TMEM114: variants seen among roughly 807,000 people sequenced by gnomAD.
The protein encoded by TMEM114 is transmembrane protein 114.
In TMEM114, 6 loss-of-function variants were observed where a neutral mutation model predicts 6.2. The ratio of observed to expected loss-of-function variants is 0.97; its 90% CI spans 0.53 to 1.91. The LOEUF is 1.91. TMEM114 is among the 40% of genes most tolerant of loss of function. TMEM114 has a pLI of 0.01. For synonymous variants in TMEM114, 104 were observed against 73.0 expected, an observed-to-expected ratio of 1.42 and a Z score of -2.16; for missense variants, 218 against 158.3, an observed-to-expected ratio of 1.38 and a Z score of -2.02.
chr16:8,557,737 A>G, intron 2 of TMEM114, among the ~76,000 whole-genome samples: 1 of 152,234 alleles, frequency 6.6e-6, no homozygotes, highest in Admixed American at 6.5e-5. Flanking sequence ...TTTGGGAAAG[A>G]TAATAACAGC....
chr16:8,568,581 T>A (rs780245884), downstream of TMEM114, among the ~76,000 whole-genome samples: 1 of 152,216 alleles, frequency 6.6e-6, no homozygotes, highest in Non-Finnish European at 1.5e-5. Context: ...GTGATGATGA[T>A]GTCATGATGA....
the TMEM114 span, among the ~76,000 whole-genome samples, chr16:8,527,564 T>A: frequency 1.3e-5 from 2 of 152,182 alleles, no homozygotes; most frequent in Non-Finnish European, 2.9e-5. Context: ...TCATGGAATT[T>A]TGCGTGTTTT....
At chr16:8,544,501 G>A (rs1004125287) in intron 2 of TMEM114, among the ~76,000 whole-genome samples, 3 of 152,176 alleles carry the variant, frequency 2.0e-5, no homozygotes, top group African/African-American at 7.2e-5. Context: ...TTTTAAGAAC[G>A]TCAAGTGACT....
downstream of TMEM114, among the ~76,000 whole-genome samples, chr16:8,532,782 G>A (rs1260729537): frequency 2.0e-5 from 3 of 152,120 alleles, no homozygotes; most frequent in African/African-American, 7.2e-5. Context: ...AAATTAGCCA[G>A]GCATAGTGGC....
chr16:8,569,839 GGTGAGCA>G lies in TMEM114; in HGVS notation c.599_605del (p.Leu200ProfsTer14). 6.4e-7 allele frequency: 1 copy of G among 1,551,026 alleles called. No homozygotes were observed. The highest frequency in any genetic ancestry group is 8.7e-7 in the Non-Finnish European group (1 of 1,146,960). On this transcript the variant is annotated frameshift_variant, in exon 4 of 4. Coordinates refer to ENST00000620492, the MANE Select transcript of TMEM114 (RefSeq NM_001146336.2). LOFTEE classifies it high-confidence loss of function. ...GGGCTGCTGCCAGGAAGGCTGCCCC[GGTGAGCA>G]GCTCGGCGATGAAGCTGATCCAGCC...
chr16:8,533,902 G>C (rs1039578760), downstream of TMEM114, among the ~76,000 whole-genome samples: 5 of 152,158 alleles, frequency 3.3e-5, no homozygotes, highest in Admixed American at 1.3e-4. Context: ...GGAGAAGGAT[G>C]CAATCAGGCA....
intron 2 of TMEM114, among the ~76,000 whole-genome samples, chr16:8,557,378 C>A (rs1901048397): frequency 6.6e-6 from 1 of 152,130 alleles, no homozygotes; most frequent in Non-Finnish European, 1.5e-5. Flanking sequence ...TGGGGAGAGC[C>A]ATATGGAAAG....
At chr16:8,550,915 G>C (rs1278602296) in intron 2 of TMEM114, among the ~76,000 whole-genome samples, 2 of 152,164 alleles carry the variant, frequency 1.3e-5, no homozygotes, top group Non-Finnish European at 2.9e-5. Context: ...AGAAGACTGA[G>C]CAAAACATTC....
rs182972257 is a variant in TMEM114, at chr16:8,554,648, G to A, written n.213-16822C>T. ...CATAATATTTGCTGAATGTAAGAAT[G>A]ATGGAGTTAATTAAGCCCAAGGAGT... On this transcript the variant is annotated intron_variant and non_coding_transcript_variant, in intron 2 of 2. Coordinates refer to the TMEM114 transcript ENST00000623677. Among the ~76,000 whole-genome samples, 7 of 151,444 alleles carry A rather than the reference G, an allele frequency of 4.6e-5. No individual in the cohort carries two copies. In the East Asian group the frequency reaches 1.4e-3, roughly 30 times the overall value.
At chr16:8,560,726 T>G (rs1901171248) in intron 2 of TMEM114, among the ~76,000 whole-genome samples, 4 of 152,130 alleles carry the variant, frequency 2.6e-5, no homozygotes. Context: ...CTTGGCAAGT[T>G]TCCAGGGGGC....
At chr16:8,570,273 A>G (rs1002578655) in intron 3 of TMEM114, among the ~76,000 whole-genome samples, 6 of 152,104 alleles carry the variant, frequency 3.9e-5, no homozygotes, top group Admixed American at 3.3e-4. Context: ...AGCACCATAC[A>G]GCTGCCCATC....
rs894148587 is a variant in TMEM114 at position 8,590,078 on chromosome 16, C to T, written c.-240G>A. ...AGCCGCCGTCCACGTTCCCACCCCT[C>T]CAATGCCAGCTCTACCTGCAGACCC... On this transcript the variant is annotated 5_prime_UTR_variant, in exon 1 of 4. Transcript: ENST00000620492. The T allele has an allele frequency of 1.1e-5, 4 of 371,246 alleles. No individual in the cohort carries two copies. Among genetic ancestry groups the T allele is most frequent in the African/African-American group, 4.2e-5 (2 of 47,596 alleles). The allele number at this position is 371,246 out of a possible 1,614,324, so 23.0% of individuals were successfully genotyped here.
intron 2 of TMEM114, among the ~76,000 whole-genome samples, chr16:8,559,567 C>T (rs1053417784): frequency 7.9e-5 from 12 of 152,114 alleles, no homozygotes; most frequent in African/African-American, 2.4e-4. Context: ...ATAGGGGAGT[C>T]GGCTTTTTCA....
In TMEM114 at chr16:8,572,109, A is replaced by T. The variant is rs1302538272; in HGVS notation, c.417T>A (p.Thr139=). 1.3e-6 allele frequency: 2 copies of T among 1,550,396 alleles called. No homozygotes were observed. Among genetic ancestry groups the T allele is most frequent in the African/African-American group, 2.7e-5 (2 of 72,998 alleles). The change falls in exon 3 of 4, where the codon ACT becomes ACA. Residue 139 remains threonine, a synonymous_variant. Coordinates refer to ENST00000620492, the MANE Select transcript of TMEM114 (RefSeq NM_001146336.2). The part of the protein sequence containing the change: ...LLQAYLLLLL[T]GILFLFGAMV... The stretch of plus-strand genomic sequence containing the variant: ...TACCTCCAAAGAGGAAGAGAATTCC[A>T]GTGAGCAGGAGGAGGAGGTAGGCTT...
chr16:8,581,920 A>G (rs751349740), intron 2 of TMEM114, among the ~76,000 whole-genome samples: 5 of 152,220 alleles, frequency 3.3e-5, no homozygotes, highest in African/African-American at 9.6e-5. Context: ...ACAGCTATGC[A>G]TAAATCACAC....
At chr16:8,530,656 G>A in the TMEM114 span, among the ~76,000 whole-genome samples, 1 of 152,088 alleles carries the variant, frequency 6.6e-6, no homozygotes, top group Non-Finnish European at 1.5e-5. Context: ...GATGAAGAGA[G>A]GGAAGGGAAT....
intron 2 of TMEM114, among the ~76,000 whole-genome samples, chr16:8,585,485 C>A (rs992767926): frequency 1.3e-5 from 2 of 152,182 alleles, no homozygotes; most frequent in African/African-American, 4.8e-5. Context: ...AGAGAACATG[C>A]TGCTTGTCGA....
rs1309539533 is a variant in TMEM114, at chr16:8,589,609, G to A, written c.220+10C>T. 2 of 398,528 alleles carry A rather than the reference G, an allele frequency of 5.0e-6. No homozygotes were observed. Among genetic ancestry groups the A allele is most frequent in the Middle Eastern group, 6.3e-4 (1 of 1,588 alleles). 24.7% of individuals were successfully genotyped at this position (398,528 alleles called of 1,614,324 possible). A position where few individuals can be genotyped will look rare whatever the true frequency, so the allele number is the denominator to read the frequency against. On this transcript the variant is annotated intron_variant, in intron 1 of 3. Transcript: ENST00000620492. ...CAGCCACAGCTCCCAGCCACGGGGTGCACCCTTACCCCGGCAGGTCCGCCA... is the reference window on the plus strand; with the variant it reads ...CAGCCACAGCTCCCAGCCACGGGGTACACCCTTACCCCGGCAGGTCCGCCA...
At chr16:8,541,238 T>C (rs1009905266) in intron 2 of TMEM114, among the ~76,000 whole-genome samples, 1 of 152,204 alleles carries the variant, frequency 6.6e-6, no homozygotes, top group African/African-American at 2.4e-5. Flanking sequence ...CTTGAGGTCA[T>C]GTGGCTACCA....
Sources: gnomAD v4.1 joint callset for allele counts (sites outside exome capture counted in the v4.1 genomes callset) on GRCh38, gnomAD v4.1.1 for gene constraint, MANE v1.5 for transcripts, NCBI Gene and HGNC (gene_info 2026-07-23, HGNC 2026-07-21) for gene names.